MNDA: variants seen among roughly 807,000 people sequenced by gnomAD.
MNDA encodes epididymis secretory sperm binding protein.
A neutral mutation model predicts 37.8 loss-of-function variants in MNDA; 43 were observed. That is an observed-to-expected ratio of 1.14 (90% CI 0.89 to 1.47). The LOEUF (loss-of-function observed/expected upper bound fraction) is 1.47. Ranked by LOEUF, MNDA falls within the 40% of genes most tolerant of loss-of-function variation. The pLI, the probability that MNDA is intolerant of heterozygous loss-of-function variation, is 0.00. For synonymous variants in MNDA, 181 were observed against 169.0 expected (o/e 1.07, Z -0.55); for missense variants, 536 against 476.0 (o/e 1.13, Z -1.17).
At chr1:158,842,070 A>G in intron 1 of MNDA, 64 bp from the exon 2 acceptor site, 3 of 1,427,532 alleles carry the variant, frequency 2.1e-6, no homozygotes, top group East Asian at 2.3e-5. Flanking sequence ...TCACAAAAGC[A>G]TATCTCATTT....
chr1:158,849,140 T>C lies in MNDA; in HGVS notation c.1177-50T>C, dbSNP rs190290242. ...TGAAAGGAGAACTATAAGCAGAGCTTCATTTCAATATCTAGGGTCTCATTA... is the reference window on the plus strand; with the variant it reads ...TGAAAGGAGAACTATAAGCAGAGCTCCATTTCAATATCTAGGGTCTCATTA... On this transcript the variant is annotated intron_variant, in intron 6 of 6. Coordinates refer to ENST00000368141, the MANE Select transcript of MNDA (RefSeq NM_002432.3). The C allele has an allele frequency of 9.0e-4, 1,286 of 1,426,964 alleles. 6 individuals are homozygous for C. The highest frequency in any genetic ancestry group is 6.7e-4 in the South Asian group (55 of 82,190). 88.4% of individuals were successfully genotyped at this position (1,426,964 alleles called of 1,614,324 possible). A position where few individuals can be genotyped will look rare whatever the true frequency, so the allele number is the denominator to read the frequency against.
rs143178388 is a variant in MNDA, at chr1:158,838,622, TC to T, written c.-20-3511del. Among the ~76,000 whole-genome samples the T allele has an allele frequency of 5.2e-3, 798 of 152,264 alleles. 14 individuals carry two copies. The highest frequency in any genetic ancestry group is 0.024 in the East Asian group (127 of 5,188). On this transcript the variant is annotated intron_variant, in intron 1 of 6. Transcript: ENST00000368141. ...TGGTTTCTTATATCTGTACATTTAG[TC>T]TTTTCTCAAATTTGGAAAGTTTTCA...
rs770780191 is a variant in MNDA at position 158,844,011 on chromosome 1, A to G, written c.459A>G (p.Gln153=). The change falls in exon 4 of 7, where the codon CAA becomes CAG. Residue 153 remains glutamine (Q), a synonymous_variant. Transcript: ENST00000368141. ...KTEAKRNKVS[Q]EQSKPPGPSG... ...AAGCCAAAAGGAATAAGGTGTCCCAAGAGCAGAGTAAGCCCCCAGGTCCCT... is the reference window on the plus strand; with the variant it reads ...AAGCCAAAAGGAATAAGGTGTCCCAGGAGCAGAGTAAGCCCCCAGGTCCCT... The G allele has an allele frequency of 2.7e-5, 44 of 1,613,850 alleles. No individual in the cohort carries two copies. In the South Asian group the frequency reaches 4.7e-4, roughly 17 times the overall value.
chr1:158,847,587 A>G, intron 5 of MNDA, 141 bp from the exon 6 acceptor site: 1 of 621,460 alleles, frequency 1.6e-6, no homozygotes, highest in Non-Finnish European at 2.6e-6. Context: ...GGACCCTGTG[A>G]GATGGCAGGC....
chr1:158,834,671 C>T (rs962511137), intron 1 of MNDA, among the ~76,000 whole-genome samples: 5 of 152,108 alleles, frequency 3.3e-5, no homozygotes, highest in South Asian at 2.1e-4. Context: ...CCTGTGCCAT[C>T]GGTGTCATGT....
In MNDA at chr1:158,846,763, A is replaced by G. The variant is rs368801994; in HGVS notation, c.987+760A>G. Reference sequence around the variant, plus strand: ...TCTATGAACTCAACTAACATTTTATATGATTGACTGCTTTATAACCCTACA... The same window carrying G: ...TCTATGAACTCAACTAACATTTTATGTGATTGACTGCTTTATAACCCTACA... On this transcript the variant is annotated intron_variant, in intron 5 of 6. Transcript: ENST00000368141. Among the ~76,000 whole-genome samples the G allele has an allele frequency of 2.9e-4, 44 of 152,322 alleles. No homozygotes were observed. In the South Asian group the frequency reaches 8.9e-3, roughly 31 times the overall value.
intron 1 of MNDA, among the ~76,000 whole-genome samples, chr1:158,834,122 G>A (rs948205068): frequency 6.6e-6 from 1 of 151,606 alleles, no homozygotes; most frequent in African/African-American, 2.4e-5. Flanking sequence ...GGTTTTTATG[G>A]GTTTGATTTG....
intron 1 of MNDA, among the ~76,000 whole-genome samples, chr1:158,837,561 TATTC>T (rs1398302141): frequency 6.6e-6 from 1 of 151,810 alleles, no homozygotes; most frequent in South Asian, 2.1e-4. Flanking sequence ...ATATCTCTTT[TATTC>T]CTTCACTTTC....
chr1:158,834,679 T>C (rs946171523), intron 1 of MNDA, among the ~76,000 whole-genome samples: 10 of 152,218 alleles, frequency 6.6e-5, no homozygotes, highest in African/African-American at 1.7e-4. Flanking sequence ...ATCGGTGTCA[T>C]GTCCAAGAAA....
chr1:158,834,968 G>T (rs923351938), intron 1 of MNDA, among the ~76,000 whole-genome samples: 4 of 152,082 alleles, frequency 2.6e-5, no homozygotes, highest in Non-Finnish European at 1.5e-5. Context: ...ATATTCCATT[G>T]TTCTTTATGT....
Position 158,843,422 on chromosome 1 carries a change from T to C in MNDA, c.402+7T>C. On this transcript the variant is annotated splice_region_variant and intron_variant, in intron 3 of 6. Transcript: ENST00000368141. ...GAGGATTCCTGTAGCTCAGGTAAGC[T>C]TGAGAAAGAGGAGCAGGACTGAAGC... The C allele has an allele frequency of 6.3e-7, 1 of 1,598,506 alleles. No individual in the cohort carries two copies. Among genetic ancestry groups the C allele is most frequent in the Non-Finnish European group, 8.5e-7 (1 of 1,173,702 alleles).
At chr1:158,841,942 T>A (rs1030822180) in intron 1 of MNDA, among the ~76,000 whole-genome samples, 192 bp from the exon 2 acceptor site, 1 of 152,226 alleles carries the variant, frequency 6.6e-6, no homozygotes, top group African/African-American at 2.4e-5. Flanking sequence ...AGGGAAGAAC[T>A]TCACTGAACC....
intron 1 of MNDA, among the ~76,000 whole-genome samples, chr1:158,840,757 C>T (rs1659015922): frequency 6.6e-6 from 1 of 152,102 alleles, no homozygotes; most frequent in African/African-American, 2.4e-5. Flanking sequence ...GTGTTCTACT[C>T]AGTATTTCTG....
chr1:158,840,804 T>C (rs1379962778), intron 1 of MNDA, among the ~76,000 whole-genome samples: 1 of 152,172 alleles, frequency 6.6e-6, no homozygotes, highest in East Asian at 1.9e-4. Context: ...ATTCTTTGGC[T>C]TTACTATATG....
chr1:158,843,487 T>A (rs1659071437), intron 3 of MNDA, 72 bp downstream of exon 3: 3 of 1,425,306 alleles, frequency 2.1e-6, no homozygotes, highest in Admixed American at 2.9e-5. Context: ...GGCTCTTTAC[T>A]AATATCTCAA....
At chr1:158,843,150 T>C in intron 2 of MNDA, 129 bp from the exon 3 acceptor site, 1 of 1,183,644 alleles carries the variant, frequency 8.4e-7, no homozygotes, top group East Asian at 2.6e-5. Context: ...GTTAATGCAG[T>C]AGAGGTAACA....
intron 1 of MNDA, among the ~76,000 whole-genome samples, chr1:158,838,140 C>T (rs1658959388): frequency 6.6e-6 from 1 of 151,806 alleles, no homozygotes; most frequent in Admixed American, 6.6e-5. Flanking sequence ...TAGCAAAAGT[C>T]ATGTTTCATG....
chr1:158,835,078 T>TA (rs1237553721), intron 1 of MNDA, among the ~76,000 whole-genome samples: 1 of 152,196 alleles, frequency 6.6e-6, no homozygotes, highest in Non-Finnish European at 1.5e-5. Context: ...TTTTCAAGAT[T>TA]AAAAAAGGCT....
At position 158,849,294 on chromosome 1, in the gene MNDA, T is replaced by C. The variant is rs933787457; in HGVS notation, c.*57T>C. 4 of 1,476,164 alleles carry C rather than the reference T, an allele frequency of 2.7e-6. No homozygotes were observed. In the African/African-American group the frequency reaches 5.6e-5, roughly 21 times the overall value. 91.4% of individuals were successfully genotyped at this position (1,476,164 alleles called of 1,614,324 possible). ...CCGCTTAAAACAATTAAGTTGTTAA[T>C]AACTGTGATTTTGTAAATTTCAGTA... On this transcript the variant is annotated 3_prime_UTR_variant, in exon 7 of 7. Transcript: ENST00000368141.
Sources: gnomAD v4.1 joint callset for allele counts (sites outside exome capture counted in the v4.1 genomes callset) on GRCh38, gnomAD v4.1.1 for gene constraint, MANE v1.5 for transcripts, NCBI Gene and HGNC (gene_info 2026-07-23, HGNC 2026-07-21) for gene names.